CAPRIN2: variants seen among roughly 807,000 people sequenced by gnomAD.
CAPRIN2 encodes caprin-2.
A neutral mutation model predicts 130.4 loss-of-function variants in CAPRIN2; 66 were observed. The observed-to-expected ratio is 0.51, with a 90% confidence interval of 0.42 to 0.62. The LOEUF (loss-of-function observed/expected upper bound fraction) is 0.62, where lower values mean the gene tolerates loss of function less well. Among genes scored for constraint, CAPRIN2 ranks in the 20% least tolerant of loss-of-function variants. The pLI, the probability that CAPRIN2 is intolerant of heterozygous loss-of-function variation, is 0.00. For synonymous variants in CAPRIN2, 471 were observed against 444.1 expected (o/e 1.06, Z -0.76); for missense variants, 1,185 against 1,246.6 (o/e 0.95, Z 0.74).
At chr12:30,724,579 G>GTA in intron 9 of CAPRIN2, 128 bp from the exon 11 acceptor site, 1 of 619,126 alleles carries the variant, frequency 1.6e-6, no homozygotes, top group East Asian at 2.9e-5. Context: ...AAAGCTATAG[G>GTA]TATCTAGCTA....
Position 30,710,045 on chromosome 12 carries a change from G to A in CAPRIN2, c.3091C>T (p.Pro1031Ser). The change falls in exon 17 of 17, where the codon CCA becomes TCA. Residue 1031 changes from proline to serine, a missense_variant. Pro to Ser is a moderately conservative substitution (Grantham distance 74). This residue lies in a region of CAPRIN2 where 81 missense variants were observed against 142.2 expected (regional missense o/e 0.57). Transcript: ENST00000298892. This position sits in a 1 kb window ranked among gnomAD's most constrained non-coding sequence, Gnocchi z 4.8. The stretch of plus-strand genomic sequence containing the variant: ...TGATTGCTAGCAGTTTCATGGTCTG[G>A]AGCACCATCATTGGCATAGGCTGAT... The A allele has an allele frequency of 6.2e-7, 1 of 1,614,080 alleles. No homozygotes were observed. Among genetic ancestry groups the A allele is most frequent in the Non-Finnish European group, 8.5e-7 (1 of 1,180,022 alleles).
chr12:30,754,582 C>T (rs893203813), upstream of CAPRIN2: 1 of 152,288 alleles, frequency 6.6e-6, no homozygotes, highest in East Asian at 1.9e-4. Flanking sequence ...GGGAGGCTGA[C>T]CTGCGGAAAA....
At chr12:30,740,269 T>C (rs765708583) in intron 3 of CAPRIN2, among the ~76,000 whole-genome samples, 47 of 137,726 alleles carry the variant, frequency 3.4e-4, no homozygotes, top group Non-Finnish European at 6.8e-4. Flanking sequence ...ACCTTGTCTC[T>C]AAAACATAAT....
At chr12:30,719,223 T>C in intron 12 of CAPRIN2, 1 of 1,613,870 alleles carries the variant, frequency 6.2e-7, no homozygotes, top group African/African-American at 1.3e-5. Flanking sequence ...GGGGAATTGC[T>C]GCCTGGGGAG....
intron 2 of CAPRIN2, among the ~76,000 whole-genome samples, chr12:30,745,404 C>T (rs1035434756): frequency 3.9e-5 from 6 of 152,126 alleles, no homozygotes; most frequent in Admixed American, 1.3e-4. Context: ...ATTCTTTTTA[C>T]TATTTGAAAA....
chr12:30,737,524 C>CT (rs1399047262), intron 3 of CAPRIN2, among the ~76,000 whole-genome samples: 3 of 151,498 alleles, frequency 2.0e-5, no homozygotes, highest in Non-Finnish European at 2.9e-5. Context: ...ACATTGTTCT[C>CT]TTTTTCCAGT....
At chr12:30,728,196 G>A (rs769457136) in intron 8 of CAPRIN2, among the ~76,000 whole-genome samples, 94 of 152,188 alleles carry the variant, frequency 6.2e-4, no homozygotes, top group Admixed American at 1.6e-3. Flanking sequence ...GTTTTCAAGG[G>A]AAAACAATAA....
intron 12 of CAPRIN2, 108 bp from the exon 14 acceptor site, chr12:30,719,333 T>C: frequency 8.0e-7 from 1 of 1,256,520 alleles, no homozygotes; most frequent in Non-Finnish European, 1.1e-6. Context: ...AGGATGACAT[T>C]TGGACACAGG....
chr12:30,731,949 C>A (rs906891965), intron 5 of CAPRIN2, among the ~76,000 whole-genome samples: 9 of 151,978 alleles, frequency 5.9e-5, no homozygotes, highest in African/African-American at 1.2e-4. Context: ...AACCACTCTA[C>A]CTTCCCCAAG....
rs2060306462 is a variant in CAPRIN2 at position 30,724,462 on chromosome 12, G to C, written c.1906-11C>G. 1 of 1,557,006 alleles carries C rather than the reference G, an allele frequency of 6.4e-7. No homozygotes were observed. The stretch of plus-strand genomic sequence containing the variant: ...GTCAAGAACAGACTCCTAAAGATAT[G>C]ATTTTAAATAAAGAGTGGAAACAGA... On this transcript the variant is annotated splice_polypyrimidine_tract_variant and intron_variant, in intron 9 of 16. Transcript: ENST00000298892.
chr12:30,753,935 T>C, exon 1 of CAPRIN2: 1 of 616,810 alleles, frequency 1.6e-6, no homozygotes, highest in Non-Finnish European at 2.8e-6. Flanking sequence ...TTCTAAATAA[T>C]TCCCATGGCC....
chr12:30,751,472 T>C lies in CAPRIN2; in HGVS notation c.421-339A>G, dbSNP rs867879478. ...AGTAGCTTCTCAACAGGGAACAATT[T>C]TGTCCCCCAAAGATACCTGGCAATA... On this transcript the variant is annotated intron_variant, in intron 1 of 16. Transcript: ENST00000298892. 3.6e-5 allele frequency: 8 copies of C among 222,710 alleles called. No homozygotes were observed. The Middle Eastern group carries it at 5.7e-3, about 158-fold the overall frequency. The allele number at this position is 222,710 out of a possible 1,614,324, so 13.8% of individuals were successfully genotyped here.
intron 8 of CAPRIN2, chr12:30,728,242 T>C (rs1181297109): frequency 6.3e-6 from 1 of 157,892 alleles, no homozygotes; most frequent in African/African-American, 2.4e-5. Context: ...ATTTTATACA[T>C]TAACTTCACA....
At chr12:30,738,473 A>G (rs1179463099) in intron 3 of CAPRIN2, among the ~76,000 whole-genome samples, 1 of 152,220 alleles carries the variant, frequency 6.6e-6, no homozygotes, top group Non-Finnish European at 1.5e-5. Context: ...AACCTAGGAA[A>G]TACCATTCTG....
intron 14 of CAPRIN2, among the ~76,000 whole-genome samples, chr12:30,714,513 G>A (rs190306593): frequency 6.6e-6 from 1 of 152,086 alleles, no homozygotes; most frequent in Non-Finnish European, 1.5e-5. Flanking sequence ...ATAATAAGTA[G>A]TGACTAGGAC....
intron 3 of CAPRIN2, among the ~76,000 whole-genome samples, 164 bp downstream of exon 4, chr12:30,740,856 A>G (rs1384664491): frequency 6.6e-6 from 1 of 152,202 alleles, no homozygotes; most frequent in Non-Finnish European, 1.5e-5. Flanking sequence ...ATCTGAAAAA[A>G]CTAGTTCTCC....
chr12:30,719,015 A>G, intron 12 of CAPRIN2, 64 bp downstream of exon 14: 1 of 1,533,514 alleles, frequency 6.5e-7, no homozygotes, highest in Non-Finnish European at 8.9e-7. Context: ...ATAATTATGT[A>G]AGAGAAACAA....
intron 2 of CAPRIN2, among the ~76,000 whole-genome samples, chr12:30,742,033 C>G (rs1159864697): frequency 6.6e-6 from 1 of 152,070 alleles, no homozygotes; most frequent in Non-Finnish European, 1.5e-5. Flanking sequence ...GTAAAAGAAG[C>G]CAGATGCAGA....
chr12:30,735,065 CT>C lies in CAPRIN2; in HGVS notation c.711del (p.Gly239ValfsTer2), dbSNP rs1486298108. 3 of 1,614,026 alleles carry C rather than the reference CT, an allele frequency of 1.9e-6. No individual in the cohort carries two copies. The highest frequency in any genetic ancestry group is 2.5e-6 in the Non-Finnish European group (3 of 1,179,986). On this transcript the variant is annotated frameshift_variant, in exon 4 of 17. Coordinates refer to ENST00000298892, the Ensembl canonical transcript of CAPRIN2. LOFTEE classifies it high-confidence loss of function. ...AAATACACTGCACCATTCAAACCCCCTTTGAAGTCTTTTTGTACGTGCTCCT... is the reference window on the plus strand; with the variant it reads ...AAATACACTGCACCATTCAAACCCCCTTGAAGTCTTTTTGTACGTGCTCCT...
Sources: allele counts gnomAD v4.1 joint callset (sites outside exome capture counted in the v4.1 genomes callset), GRCh38; gene constraint gnomAD v4.1.1; regional missense constraint gnomAD v4.1.1; non-coding constraint Gnocchi (gnomAD v3.1); transcripts MANE v1.5; gene names NCBI Gene and HGNC (gene_info 2026-07-23, HGNC 2026-07-21).